Variants in DNM3 observed in about 807,000 individuals in gnomAD.
The protein encoded by DNM3 is dynamin 3, also known as dynamin-3.
In DNM3, 47 loss-of-function variants were observed where a neutral mutation model predicts 101.6. The ratio of observed to expected loss-of-function variants is 0.46; its 90% CI spans 0.37 to 0.59. The LOEUF (loss-of-function observed/expected upper bound fraction) is 0.59, where lower values mean the gene tolerates loss of function less well. Among genes scored for constraint, DNM3 ranks in the 20% least tolerant of loss-of-function variants. The pLI is 0.00. For missense variants in DNM3, 849 were observed against 1,085.7 expected (o/e 0.78, Z 3.06); for synonymous variants, 385 against 387.9 (o/e 0.99, Z 0.09).
At chr1:171,942,460 C>T (rs965096409) in intron 2 of DNM3, among the ~76,000 whole-genome samples, 5 of 151,906 alleles carry the variant, frequency 3.3e-5, no homozygotes, top group South Asian at 2.1e-4. Context: ...AATAAAAGAA[C>T]GTAAGTGGTA....
rs547661016 is a variant in DNM3, at chr1:171,899,198, C to T, written c.162-22550C>T. 2.5e-4 allele frequency among the ~76,000 whole-genome samples: 38 copies of T among 152,320 alleles called. No individual in the cohort carries two copies. In the South Asian group the frequency reaches 2.7e-3, roughly 11 times the overall value. ...GGATTTGGTGCTGGTGTGTTTTCCC[C>T]GCTGCTGCCATGTGATGGCTCGTAA... is the stretch of plus-strand genomic sequence containing the variant. On this transcript the variant is annotated intron_variant, in intron 1 of 20. Coordinates refer to ENST00000627582, the MANE Select transcript of DNM3 (RefSeq NM_015569.5).
At chr1:172,323,234 T>C in intron 16 of DNM3, 95 bp from the exon 17 acceptor site, 1 of 1,284,984 alleles carries the variant, frequency 7.8e-7, no homozygotes, top group Non-Finnish European at 1.1e-6. Flanking sequence ...TTTTTTTTAA[T>C]ATCCAGAGAA....
At chr1:172,189,620 C>T (rs1333577976) in intron 14 of DNM3, among the ~76,000 whole-genome samples, 2 of 151,880 alleles carry the variant, frequency 1.3e-5, no homozygotes, top group Admixed American at 6.6e-5. Flanking sequence ...GGGGTGCTAA[C>T]GTAGATGACT....
intron 14 of DNM3, among the ~76,000 whole-genome samples, chr1:172,154,645 T>C (rs2058269171): frequency 6.6e-6 from 1 of 152,094 alleles, no homozygotes; most frequent in South Asian, 2.1e-4. Context: ...GTAAATGTAT[T>C]TTGGAATTTG....
At chr1:172,106,045 T>G (rs1212301881) in intron 13 of DNM3, among the ~76,000 whole-genome samples, 1 of 152,216 alleles carries the variant, frequency 6.6e-6, no homozygotes, top group Non-Finnish European at 1.5e-5. Context: ...AAAATAGTAC[T>G]GGATTTTCTA....
intron 1 of DNM3, among the ~76,000 whole-genome samples, chr1:171,855,811 A>G (rs922412039): frequency 2.6e-5 from 4 of 152,090 alleles, no homozygotes; most frequent in African/African-American, 9.7e-5. Context: ...ATTTTCTCCC[A>G]TTCTGTAGGT....
At chr1:172,035,174 C>T (rs968425320) in intron 6 of DNM3, among the ~76,000 whole-genome samples, 5 of 152,048 alleles carry the variant, frequency 3.3e-5, no homozygotes, top group African/African-American at 9.7e-5. Flanking sequence ...GTCAAGGTTA[C>T]GTCTCAGGTT....
chr1:172,158,440 A>G (rs1264997627), intron 14 of DNM3, among the ~76,000 whole-genome samples: 3 of 152,072 alleles, frequency 2.0e-5, no homozygotes, highest in African/African-American at 7.2e-5. Flanking sequence ...TGGGAAGAAC[A>G]TGAGCAAAGG....
intron 14 of DNM3, among the ~76,000 whole-genome samples, chr1:172,163,986 CAT>C (rs200340548): frequency 7.7e-5 from 11 of 142,146 alleles, no homozygotes; most frequent in Non-Finnish European, 1.2e-4. Context: ...CACACACACA[CAT>C]CTCACATTTT....
At chr1:172,220,823 C>T (rs1444842277) in intron 14 of DNM3, among the ~76,000 whole-genome samples, 5 of 151,998 alleles carry the variant, frequency 3.3e-5, no homozygotes, top group Non-Finnish European at 1.5e-5. Context: ...TAATTGATAA[C>T]GATGATGAGT....
chr1:171,850,897 T>C (rs527505310), intron 1 of DNM3, among the ~76,000 whole-genome samples: 5 of 152,034 alleles, frequency 3.3e-5, no homozygotes, highest in Non-Finnish European at 7.4e-5. Flanking sequence ...CACCAGATTG[T>C]AGGGACATAC....
chr1:172,000,013 G>A (rs1384329882), intron 4 of DNM3, among the ~76,000 whole-genome samples: 1 of 152,082 alleles, frequency 6.6e-6, no homozygotes, highest in African/African-American at 2.4e-5. Flanking sequence ...TCACTTGTTT[G>A]TGGTAATTTG....
intron 14 of DNM3, among the ~76,000 whole-genome samples, chr1:172,205,918 A>C (rs1344650593): frequency 1.3e-5 from 2 of 152,130 alleles, no homozygotes; most frequent in African/African-American, 4.8e-5. Flanking sequence ...TCTATTGATA[A>C]GTCTCCTTTG....
chr1:172,359,330 C>T (rs1430845575), intron 17 of DNM3, among the ~76,000 whole-genome samples: 4 of 151,932 alleles, frequency 2.6e-5, no homozygotes, highest in African/African-American at 7.3e-5. Flanking sequence ...ATTATTTTGC[C>T]AGCAAGCCAT....
chr1:172,131,282 T>A lies in DNM3; in HGVS notation c.1653T>A (p.Asp551Glu). 4 of 1,612,828 alleles carry A rather than the reference T, an allele frequency of 2.5e-6. No individual in the cohort carries two copies. The highest frequency in any genetic ancestry group is 3.4e-6 in the Non-Finnish European group (4 of 1,179,168). The change falls in exon 14 of 21, where the codon GAT (aspartate) becomes GAA (glutamate). Residue 551 changes from aspartate (D) to glutamate (E), a missense_variant. This residue lies in a region of DNM3 where 193 missense variants were observed against 238.4 expected (regional missense o/e 0.81). Coordinates refer to ENST00000627582, the MANE Select transcript of DNM3 (RefSeq NM_015569.5). ...LTAESLSWYK[D>E]DEEKEKKYML... ...CGGAAAGCTTGTCCTGGTATAAAGA[T>A]GATGAGGTAAGTCACAGAGAGTGAT...
chr1:172,290,838 G>T (rs2063882261), intron 15 of DNM3, among the ~76,000 whole-genome samples: 1 of 152,164 alleles, frequency 6.6e-6, no homozygotes, highest in East Asian at 1.9e-4. Context: ...AGAACCCTGG[G>T]ACACCCCCAG....
chr1:171,920,631 C>T (rs1000774421), intron 1 of DNM3, among the ~76,000 whole-genome samples: 3 of 152,180 alleles, frequency 2.0e-5, no homozygotes, highest in African/African-American at 7.2e-5. Flanking sequence ...GTGAGACATT[C>T]TAAATGTGTT....
chr1:171,867,642 A>G (rs540483000), intron 1 of DNM3, among the ~76,000 whole-genome samples: 7 of 152,330 alleles, frequency 4.6e-5, no homozygotes, highest in Admixed American at 3.3e-4. Context: ...TTATTTAAAT[A>G]TCTCTTTGTG....
intron 15 of DNM3, among the ~76,000 whole-genome samples, chr1:172,298,083 C>A (rs2064251956): frequency 6.6e-6 from 1 of 152,074 alleles, no homozygotes; most frequent in Non-Finnish European, 1.5e-5. Context: ...TATTTATCTA[C>A]TTAATTTTTT....
Sources: allele counts gnomAD v4.1 joint callset (sites outside exome capture counted in the v4.1 genomes callset), GRCh38; gene constraint gnomAD v4.1.1; regional missense constraint gnomAD v4.1.1; transcripts MANE v1.5; gene names NCBI Gene and HGNC (gene_info 2026-07-23, HGNC 2026-07-21).